SIM2: variants seen among roughly 807,000 people sequenced by gnomAD.
SIM2 encodes SIM bHLH transcription factor 2.
In SIM2, 28 loss-of-function variants were observed where a neutral mutation model predicts 64.8. The observed-to-expected ratio is 0.43, with a 90% CI of 0.32 to 0.59. SIM2 has a LOEUF of 0.59. SIM2 is among the 20% of genes least tolerant of loss of function. The pLI, the probability that SIM2 is intolerant of heterozygous loss-of-function variation, is 0.07. For synonymous variants in SIM2, 408 were observed against 391.1 expected, an observed-to-expected ratio of 1.04 and a Z score of -0.51; for missense variants, 847 against 871.4, an observed-to-expected ratio of 0.97 and a Z score of 0.35.
rs1189524187 is a variant in SIM2, at chr21:36,749,084, C to T, written c.*992C>T. The T allele has an allele frequency of 6.6e-6, 1 of 152,642 alleles. No individual in the cohort carries two copies. The highest frequency in any genetic ancestry group is 1.5e-5 in the Non-Finnish European group (1 of 68,042). 9.5% of individuals were successfully genotyped at this position (152,642 alleles called of 1,614,324 possible). A position where few individuals can be genotyped will look rare whatever the true frequency, so the allele number is the denominator to read the frequency against. Reference sequence around the variant, plus strand: ...ATGTAGACATTTTAAGCATTTTCTACACAGCGAGAAAACTTCGTAAGAACA... The same window carrying T: ...ATGTAGACATTTTAAGCATTTTCTATACAGCGAGAAAACTTCGTAAGAACA... On this transcript the variant is annotated 3_prime_UTR_variant, in exon 11 of 11. Transcript: ENST00000290399.
intron 7 of SIM2, among the ~76,000 whole-genome samples, chr21:36,733,560 ATT>A (rs60888276): frequency 6.3e-4 from 84 of 134,064 alleles, no homozygotes; most frequent in African/African-American, 2.0e-3. Flanking sequence ...GGAAGCAGGG[ATT>A]TTTTTTTTTT....
intron 7 of SIM2, among the ~76,000 whole-genome samples, chr21:36,737,897 G>A (rs532915012): frequency 7.0e-6 from 1 of 142,214 alleles, no homozygotes; most frequent in African/African-American, 2.6e-5. Flanking sequence ...AGGAGACGGA[G>A]GTTGCAGTGA....
Position 36,699,853 on chromosome 21 carries a change from A to C in SIM2, c.107A>C (p.Gln36Pro), listed in dbSNP as rs1323406896. ...LLPLPSAITSQLDKASIIRLT... is the reference protein window; with the variant it reads ...LLPLPSAITSPLDKASIIRLT... Reference sequence around the variant, plus strand: ...CCGCTGCCGTCGGCCATCACTTCGCAGCTGGACAAAGCGTCCATCATCCGC... The same window carrying C: ...CCGCTGCCGTCGGCCATCACTTCGCCGCTGGACAAAGCGTCCATCATCCGC... Residue 36 changes from glutamine to proline, a missense_variant, in exon 1 of 11, where the codon CAG becomes CCG. By Grantham distance (76) the Gln-to-Pro change is moderately conservative. This residue lies in a region of SIM2 where 397 missense variants were observed against 439.2 expected (regional missense o/e 0.90). Transcript: ENST00000290399. The surrounding 1 kb of genome is among the most constrained non-coding windows in gnomAD (Gnocchi z 5.6). 6.2e-7 allele frequency: 1 copy of C among 1,610,040 alleles called. No individual in the cohort carries two copies. Among genetic ancestry groups the C allele is most frequent in the South Asian group, 1.1e-5 (1 of 90,064 alleles).
Position 36,713,448 on chromosome 21 carries a change from A to G in SIM2, c.348+826A>G, listed in dbSNP as rs191392595. Among the ~76,000 whole-genome samples the G allele has an allele frequency of 8.5e-5, 13 of 152,336 alleles. No individual in the cohort carries two copies. The South Asian group carries it at 1.2e-3, about 15-fold the overall frequency. ...ATGCCTGACTTAACAAATGTGGATC[A>G]TGATTTTAAAAGTCACATTTTAAAC... On this transcript the variant is annotated intron_variant, in intron 3 of 10. Transcript: ENST00000290399.
At chr21:36,719,995 A>G (rs933331458) in intron 4 of SIM2, 66 bp downstream of exon 4, 1 of 1,163,946 alleles carries the variant, frequency 8.6e-7, no homozygotes, top group African/African-American at 1.5e-5. Context: ...AATGGAACTC[A>G]GGGCTTTGCT....
chr21:36,745,630 C>T lies in SIM2; in HGVS notation c.1576+494C>T. 8.8e-7 allele frequency: 1 copy of T among 1,142,358 alleles called. No homozygotes were observed. Among genetic ancestry groups the T allele is most frequent in the Non-Finnish European group, 1.1e-6 (1 of 910,400 alleles). The allele number at this position is 1,142,358 out of a possible 1,614,324, so 70.8% of individuals were successfully genotyped here. On this transcript the variant is annotated intron_variant, in intron 10 of 10. Coordinates refer to ENST00000290399, the MANE Select transcript of SIM2 (RefSeq NM_005069.6). This position sits in a 1 kb window ranked among gnomAD's most constrained non-coding sequence, Gnocchi z 4.8. ...TGGGGACAGAAATGCCACTCACCAA[C>T]CCAGGGCAAAGAACACAAACCCTCC...
intron 7 of SIM2, among the ~76,000 whole-genome samples, chr21:36,738,002 A>G (rs115458802): frequency 6.6e-6 from 1 of 150,380 alleles, no homozygotes. Flanking sequence ...AAGCAAAAAG[A>G]AAAAAGCATG....
At chr21:36,727,899 C>G (rs568917096) in intron 6 of SIM2, among the ~76,000 whole-genome samples, 1 of 152,278 alleles carries the variant, frequency 6.6e-6, no homozygotes, top group Non-Finnish European at 1.5e-5. Flanking sequence ...GAGATAAAGA[C>G]AGGAGTCAGT....
chr21:36,709,841 GT>G (rs1391721974), intron 2 of SIM2: 1 of 227,834 alleles, frequency 4.4e-6, no homozygotes, highest in Non-Finnish European at 8.6e-6. Context: ...TTGTTTGTTT[GT>G]TTTTGAGACG....
chr21:36,710,311 C>A (rs2088657052), intron 2 of SIM2: 1 of 152,250 alleles, frequency 6.6e-6, no homozygotes, highest in Admixed American at 6.5e-5. Context: ...GCGCCCCGAG[C>A]CCGGGGCCAT....
intron 7 of SIM2, among the ~76,000 whole-genome samples, chr21:36,731,550 G>A (rs2088969170): frequency 6.6e-6 from 1 of 152,164 alleles, no homozygotes; most frequent in African/African-American, 2.4e-5. Context: ...AGTGAGGGAG[G>A]GTCTCACTGT....
rs143779673 is a variant in SIM2, at chr21:36,730,367, G to A, written c.744-678G>A. ...GGAAACATCATGCTGAGTGAAAGAA[G>A]CCACACACCAAAGGCCACATGGTGT... On this transcript the variant is annotated intron_variant, in intron 6 of 10. Transcript: ENST00000290399. Among the ~76,000 whole-genome samples the A allele has an allele frequency of 5.9e-3, 899 of 152,314 alleles. 10 individuals are homozygous for A. Among genetic ancestry groups the A allele is most frequent in the African/African-American group, 0.02 (841 of 41,566 alleles).
chr21:36,737,961 CAAAAAAAAA>C (rs61252184), intron 7 of SIM2, among the ~76,000 whole-genome samples: 1 of 34,116 alleles, frequency 2.9e-5, no homozygotes, highest in Admixed American at 4.3e-4. Context: ...GACCCTGTCT[CAAAAAAAAA>C]AAAAAAAAAA....
intron 3 of SIM2, among the ~76,000 whole-genome samples, chr21:36,716,453 G>T (rs2088748073): frequency 1.3e-5 from 2 of 152,160 alleles, no homozygotes; most frequent in South Asian, 2.1e-4. Context: ...ACATATCGAT[G>T]ATGTTGTTTG....
At chr21:36,719,973 G>A (rs1406626308) in intron 4 of SIM2, 44 bp downstream of exon 4, 1 of 1,339,890 alleles carries the variant, frequency 7.5e-7, no homozygotes, top group African/African-American at 1.4e-5. Context: ...TAAAAGCAAG[G>A]CGACATTCTT....
At chr21:36,744,337 G>A (rs1172301546) in intron 9 of SIM2, among the ~76,000 whole-genome samples, 2 of 120,982 alleles carry the variant, frequency 1.7e-5, no homozygotes, top group Non-Finnish European at 1.7e-5. Context: ...AAGAAAGAAG[G>A]AAAAGAAAGG....
chr21:36,731,037 C>T lies in SIM2; in HGVS notation c.744-8C>T, dbSNP rs370463435. 2.2e-5 allele frequency: 35 copies of T among 1,609,184 alleles called. 1 individual carries two copies. Among genetic ancestry groups the T allele is most frequent in the African/African-American group, 1.6e-4 (12 of 74,818 alleles). Reference sequence around the variant, plus strand: ...GGCGTAACTCACTGAGCTGCCATGCCCCCACAGGGTGACCGAGGTGACGGG... The same window carrying T: ...GGCGTAACTCACTGAGCTGCCATGCTCCCACAGGGTGACCGAGGTGACGGG... On this transcript the variant is annotated splice_region_variant and splice_polypyrimidine_tract_variant and intron_variant, in intron 6 of 10. Coordinates refer to ENST00000290399, the MANE Select transcript of SIM2 (RefSeq NM_005069.6).
chr21:36,747,246 C>G lies in SIM2; in HGVS notation c.1577-419C>G, dbSNP rs117387036. ...CCCCTGGTGGCCTCTAGACCTCTGC[C>G]GTCCAATCAGGTAGCCACCAACCCC... On this transcript the variant is annotated intron_variant, in intron 10 of 10. Transcript: ENST00000290399. This position sits in a 1 kb window ranked among gnomAD's most constrained non-coding sequence, Gnocchi z 4.5. 6.6e-6 allele frequency among the ~76,000 whole-genome samples: 1 copy of G among 151,846 alleles called. No individual in the cohort carries two copies. Among genetic ancestry groups the G allele is most frequent in the Non-Finnish European group, 1.5e-5 (1 of 67,982 alleles).
At chr21:36,708,036 A>G (rs2088613218) in intron 1 of SIM2, among the ~76,000 whole-genome samples, 3 of 152,094 alleles carry the variant, frequency 2.0e-5, no homozygotes, top group South Asian at 2.1e-4. Flanking sequence ...GGTCGCAGCC[A>G]GGGGTCGGGA....
Sources: gnomAD v4.1 joint callset for allele counts (sites outside exome capture counted in the v4.1 genomes callset) on GRCh38, gnomAD v4.1.1 for gene constraint, gnomAD v4.1.1 regional missense constraint, Gnocchi (gnomAD v3.1) non-coding constraint, MANE v1.5 for transcripts, NCBI Gene and HGNC (gene_info 2026-07-23, HGNC 2026-07-21) for gene names.